Variants in RAD51B observed in about 807,000 individuals in gnomAD.
The protein encoded by RAD51B is DNA repair protein RAD51 homolog 2.
In RAD51B, 38 loss-of-function variants were observed where a neutral mutation model predicts 42.2. The observed-to-expected ratio is 0.90, with a 90% CI of 0.70 to 1.18. The LOEUF is 1.18. RAD51B is among the 50% of genes most tolerant of loss of function. The pLI, the probability that RAD51B is intolerant of heterozygous loss-of-function variation, is 0.00. For missense variants in RAD51B, 373 were observed against 400.7 expected (o/e 0.93, Z 0.59); for synonymous variants, 154 against 145.2 (o/e 1.06, Z -0.43).
chr14:68,562,818 G>T (rs942997394), intron 10 of RAD51B: 3 of 985,324 alleles, frequency 3.0e-6, no homozygotes, highest in Non-Finnish European at 3.6e-6. Flanking sequence ...CACAAGGTAA[G>T]TATTCCAAGG....
At chr14:68,469,474 C>T (rs1414309264) in intron 10 of RAD51B, among the ~76,000 whole-genome samples, 3 of 152,234 alleles carry the variant, frequency 2.0e-5, no homozygotes, top group East Asian at 1.9e-4. Flanking sequence ...GAACTACGAC[C>T]TTTGGCTCTT....
chr14:67,934,765 A>T (rs191018802), intron 7 of RAD51B, among the ~76,000 whole-genome samples: 1 of 152,300 alleles, frequency 6.6e-6, no homozygotes, highest in African/African-American at 2.4e-5. Flanking sequence ...AGTGTATATT[A>T]TTGAGGAATC....
intron 9 of RAD51B, among the ~76,000 whole-genome samples, chr14:68,422,614 T>G (rs1373144692): frequency 2.6e-5 from 4 of 151,920 alleles, no homozygotes; most frequent in Non-Finnish European, 4.4e-5. Context: ...ACAAAAGGTT[T>G]ACATTGTGGA....
chr14:67,893,756 CAT>C (rs1203143865), intron 7 of RAD51B, among the ~76,000 whole-genome samples: 1 of 152,030 alleles, frequency 6.6e-6, no homozygotes, highest in African/African-American at 2.4e-5. Context: ...TCTGGGTAGT[CAT>C]AAAGAAATGG....
chr14:67,898,922 A>C (rs1203963495), intron 7 of RAD51B, among the ~76,000 whole-genome samples: 7 of 152,308 alleles, frequency 4.6e-5, no homozygotes, highest in African/African-American at 4.8e-5. Flanking sequence ...AAATTAGAGG[A>C]TATTAAAAAT....
intron 7 of RAD51B, among the ~76,000 whole-genome samples, chr14:68,078,757 A>G (rs1162274517): frequency 6.6e-6 from 1 of 152,190 alleles, no homozygotes; most frequent in Non-Finnish European, 1.5e-5. Flanking sequence ...TGGGAGGCCA[A>G]AGTGGAAGGA....
intron 7 of RAD51B, chr14:68,113,703 T>C (rs1270105692): frequency 6.6e-6 from 1 of 152,122 alleles, no homozygotes; most frequent in Non-Finnish European, 1.5e-5. Flanking sequence ...CTCTGATGCA[T>C]ACTGAGAACT....
rs568461265 is a variant in RAD51B, at chr14:68,156,592, A to T, written c.757-135292A>T. On this transcript the variant is annotated intron_variant, in intron 7 of 10. Coordinates refer to ENST00000471583, the MANE Select transcript of RAD51B (RefSeq NM_133510.4). ...AGTATGCCCAGAAGGCTCAGTTTTT[A>T]AAAAATTTCTATGTTTATTCGTATT... 3.1e-3 allele frequency among the ~76,000 whole-genome samples: 477 copies of T among 152,032 alleles called. 1 individual carries two copies. The highest frequency in any genetic ancestry group is 0.011 in the African/African-American group (456 of 41,468).
intron 9 of RAD51B, among the ~76,000 whole-genome samples, chr14:68,434,800 T>C (rs1299026842): frequency 6.6e-6 from 1 of 152,184 alleles, no homozygotes; most frequent in African/African-American, 2.4e-5. Context: ...GGTACCTGAG[T>C]TGGAAATGCA....
intron 10 of RAD51B, among the ~76,000 whole-genome samples, chr14:68,507,664 A>T (rs1198805718): frequency 6.6e-6 from 1 of 152,232 alleles, no homozygotes; most frequent in Non-Finnish European, 1.5e-5. Context: ...ACCAGCTCAC[A>T]ATAGACACTC....
At chr14:67,986,112 A>G (rs2075187779) in intron 7 of RAD51B, among the ~76,000 whole-genome samples, 1 of 152,192 alleles carries the variant, frequency 6.6e-6, no homozygotes. Context: ...GCGCAAGTTG[A>G]GTCCTCTTTT....
chr14:68,435,126 C>T (rs370226899), intron 9 of RAD51B, among the ~76,000 whole-genome samples: 22 of 152,214 alleles, frequency 1.4e-4, no homozygotes, highest in African/African-American at 5.3e-4. Context: ...ATCCCATCAC[C>T]CGGGTAGTAA....
At chr14:68,666,101 G>A (rs1358079191) in intron 11 of RAD51B, among the ~76,000 whole-genome samples, 1 of 152,156 alleles carries the variant, frequency 6.6e-6, no homozygotes, top group Non-Finnish European at 1.5e-5. Flanking sequence ...CATGAAACCT[G>A]ACTCTGAAGC....
chr14:68,489,378 G>C (rs1056062407), intron 10 of RAD51B, among the ~76,000 whole-genome samples: 1 of 152,120 alleles, frequency 6.6e-6, no homozygotes, highest in Non-Finnish European at 1.5e-5. Context: ...AGGCAATTAT[G>C]CATATAATTC....
At chr14:67,933,874 C>T (rs2044833476) in intron 7 of RAD51B, among the ~76,000 whole-genome samples, 1 of 152,210 alleles carries the variant, frequency 6.6e-6, no homozygotes, top group Non-Finnish European at 1.5e-5. Context: ...GCAGAAGCTA[C>T]CTCTATGCTC....
chr14:68,074,802 T>C (rs1333176505), intron 7 of RAD51B, among the ~76,000 whole-genome samples: 1 of 152,186 alleles, frequency 6.6e-6, no homozygotes, highest in Non-Finnish European at 1.5e-5. Context: ...ATTAGCAAAG[T>C]ATTTTTGGTG....
chr14:68,537,584 C>T (rs1346208735), intron 10 of RAD51B, among the ~76,000 whole-genome samples: 5 of 151,768 alleles, frequency 3.3e-5, no homozygotes, highest in Non-Finnish European at 1.5e-5. Context: ...CTTTTAAGAT[C>T]AGTGTGATAG....
downstream of RAD51B, among the ~76,000 whole-genome samples, chr14:68,480,191 G>A (rs1252474357): frequency 6.6e-6 from 1 of 152,096 alleles, no homozygotes. Flanking sequence ...TCCTGCCTCA[G>A]CCTCCCATGT....
chr14:68,303,154 A>G (rs1287793250), intron 8 of RAD51B, among the ~76,000 whole-genome samples: 1 of 152,258 alleles, frequency 6.6e-6, no homozygotes, highest in African/African-American at 2.4e-5. Context: ...AAAAAGGATG[A>G]GCTCATGTCC....
Sources: gnomAD v4.1 joint callset for allele counts (sites outside exome capture counted in the v4.1 genomes callset) on GRCh38, gnomAD v4.1.1 for gene constraint, MANE v1.5 for transcripts, NCBI Gene and HGNC (gene_info 2026-07-23, HGNC 2026-07-21) for gene names.